ELMO1: variants seen among roughly 807,000 people sequenced by gnomAD.
The protein encoded by ELMO1 is engulfment and cell motility 1.
Under a neutral mutation model 98.9 loss-of-function variants are expected in ELMO1, and 26 were observed. The observed-to-expected ratio is 0.26, with a 90% confidence interval of 0.19 to 0.36. The LOEUF (loss-of-function observed/expected upper bound fraction) is 0.36. Among genes scored for constraint, ELMO1 ranks in the 10% least tolerant of loss-of-function variants. The probability of loss-of-function intolerance (pLI) is 1.00; values close to 1 mark genes in which losing one functional copy is unlikely to be tolerated. For missense variants in ELMO1, 627 were observed against 935.2 expected (o/e 0.67, Z 4.30); for synonymous variants, 346 against 346.0 (o/e 1.00, Z 0.00).
At chr7:37,258,098 T>A (rs1235463075) in intron 6 of ELMO1, among the ~76,000 whole-genome samples, 2 of 152,094 alleles carry the variant, frequency 1.3e-5, no homozygotes, top group Non-Finnish European at 2.9e-5. Context: ...TGAAACCCCA[T>A]CTCTACTAAA....
At chr7:37,044,908 G>T (rs1795715268) in intron 15 of ELMO1, among the ~76,000 whole-genome samples, 1 of 152,320 alleles carries the variant, frequency 6.6e-6, no homozygotes, top group Non-Finnish European at 1.5e-5. Context: ...ACTTGCTGTG[G>T]CTGCTGTGGG....
chr7:36,963,024 C>T (rs918377746), intron 16 of ELMO1, among the ~76,000 whole-genome samples: 1 of 152,214 alleles, frequency 6.6e-6, no homozygotes, highest in South Asian at 2.1e-4. Flanking sequence ...ACCTATGTGT[C>T]AACTCTAGAA....
At chr7:36,984,631 C>A (rs1462931598) in intron 16 of ELMO1, among the ~76,000 whole-genome samples, 2 of 152,198 alleles carry the variant, frequency 1.3e-5, no homozygotes, top group Admixed American at 1.3e-4. Context: ...AAAAGGACAA[C>A]CAATAAGATT....
At chr7:37,278,113 C>CTTTTTTTTTTTTT (rs36110041) in intron 4 of ELMO1, among the ~76,000 whole-genome samples, 4 of 85,608 alleles carry the variant, frequency 4.7e-5, no homozygotes, top group Non-Finnish European at 6.2e-5. Context: ...ATAGCTTTTC[C>CTTTTTTTTTTTTT]TTTTTTTTTT....
intron 16 of ELMO1, among the ~76,000 whole-genome samples, chr7:36,913,442 T>A (rs1784472061): frequency 6.6e-6 from 1 of 152,214 alleles, no homozygotes; most frequent in Non-Finnish European, 1.5e-5. Flanking sequence ...ATGTTTATAT[T>A]TCTGTGATAG....
At chr7:37,374,783 C>T (rs754900056) in intron 1 of ELMO1, among the ~76,000 whole-genome samples, 3 of 151,016 alleles carry the variant, frequency 2.0e-5, no homozygotes, top group Admixed American at 1.3e-4. Flanking sequence ...AATATCTTGG[C>T]TGGGCGCAGT....
intron 5 of ELMO1, among the ~76,000 whole-genome samples, chr7:37,260,938 A>G (rs1040659358): frequency 6.6e-6 from 1 of 152,244 alleles, no homozygotes; most frequent in African/African-American, 2.4e-5. Context: ...ATGGATATAC[A>G]GCATTCACAT....
At chr7:37,164,911 C>A (rs868648608) in intron 13 of ELMO1, among the ~76,000 whole-genome samples, 1 of 151,556 alleles carries the variant, frequency 6.6e-6, no homozygotes, top group East Asian at 1.9e-4. Context: ...GGCATTGAAT[C>A]TATAAATTAC....
chr7:36,879,939 C>T (rs1401650907), intron 18 of ELMO1, among the ~76,000 whole-genome samples: 1 of 152,076 alleles, frequency 6.6e-6, no homozygotes, highest in Non-Finnish European at 1.5e-5. Flanking sequence ...GGAGAGCAAC[C>T]TTGGGGATTT....
At chr7:36,858,711 A>C (rs1180229459) in intron 21 of ELMO1, among the ~76,000 whole-genome samples, 1 of 152,216 alleles carries the variant, frequency 6.6e-6, no homozygotes, top group Non-Finnish European at 1.5e-5. Context: ...GGGAGATCTG[A>C]GTACGAAAGA....
chr7:37,393,463 C>T (rs1803167151), intron 1 of ELMO1, among the ~76,000 whole-genome samples: 1 of 152,112 alleles, frequency 6.6e-6, no homozygotes, highest in Non-Finnish European at 1.5e-5. Flanking sequence ...CTTTATAGTA[C>T]ATTATTTAAA....
At chr7:37,263,002 C>T (rs1796053407) in intron 5 of ELMO1, among the ~76,000 whole-genome samples, 1 of 152,176 alleles carries the variant, frequency 6.6e-6, no homozygotes, top group South Asian at 2.1e-4. Flanking sequence ...AGAGGTGAGT[C>T]CCAGAAGTGA....
chr7:36,990,512 G>A (rs2129151639), intron 16 of ELMO1, among the ~76,000 whole-genome samples: 1 of 152,176 alleles, frequency 6.6e-6, no homozygotes, highest in African/African-American at 2.4e-5. Context: ...AAATTCAGGG[G>A]GTGGGGTGGG....
In ELMO1 at chr7:37,044,948, G is replaced by T. The variant is rs201460600; in HGVS notation, c.1301-31513C>A. On this transcript the variant is annotated intron_variant, in intron 15 of 21. Coordinates refer to ENST00000310758, the MANE Select transcript of ELMO1 (RefSeq NM_014800.11). ...TTATTTTTTAATTTCCACGCTAGGT[G>T]TTGCCTATGTTTTGCTTAGATAAAG... Among the ~76,000 whole-genome samples the T allele has an allele frequency of 8.5e-5, 13 of 152,320 alleles. No individual in the cohort carries two copies. The East Asian group carries it at 2.5e-3, about 29-fold the overall frequency.
intron 16 of ELMO1, among the ~76,000 whole-genome samples, chr7:36,973,843 G>A (rs748486014): frequency 1.3e-5 from 2 of 152,234 alleles, no homozygotes; most frequent in African/African-American, 2.4e-5. Flanking sequence ...CGGAGCAGCC[G>A]GCCCTGCCGT....
At position 37,386,873 on chromosome 7, in the gene ELMO1, A is replaced by G. The variant is rs115341600; in HGVS notation, c.-73-44110T>C. Among the ~76,000 whole-genome samples, 601 of 152,312 alleles carry G rather than the reference A, an allele frequency of 3.9e-3. 7 individuals are homozygous for G. The highest frequency in any genetic ancestry group is 0.014 in the African/African-American group (582 of 41,560). ...TTCCTTCAGTGGTTATTAGCCTTGC[A>G]TGCACATTGTAATTGACTCAGAGTT... On this transcript the variant is annotated intron_variant, in intron 1 of 21. Coordinates refer to ENST00000310758, the MANE Select transcript of ELMO1 (RefSeq NM_014800.11).
chr7:37,254,417 C>A (rs1422826890), intron 6 of ELMO1, among the ~76,000 whole-genome samples: 1 of 152,170 alleles, frequency 6.6e-6, no homozygotes, highest in African/African-American at 2.4e-5. Context: ...TGTTGCTTAA[C>A]AATGCGATAC....
At chr7:37,441,076 C>T (rs1805397036) in intron 1 of ELMO1, among the ~76,000 whole-genome samples, 1 of 151,602 alleles carries the variant, frequency 6.6e-6, no homozygotes, top group Non-Finnish European at 1.5e-5. Flanking sequence ...GAAAATACAG[C>T]TCATCCAGCT....
chr7:37,134,508 G>C (rs186647472), intron 13 of ELMO1, among the ~76,000 whole-genome samples: 1 of 147,132 alleles, frequency 6.8e-6, no homozygotes. Context: ...GCAGTGAGTC[G>C]AGATCACGCC....
Sources: allele counts gnomAD v4.1 joint callset (sites outside exome capture counted in the v4.1 genomes callset), GRCh38; gene constraint gnomAD v4.1.1; transcripts MANE v1.5; gene names NCBI Gene and HGNC (gene_info 2026-07-23, HGNC 2026-07-21).